Variants in ANO10 observed in about 807,000 individuals in gnomAD.
The protein encoded by ANO10 is anoctamin-10.
In ANO10, 77 loss-of-function variants were observed where a neutral mutation model predicts 74.7. The observed-to-expected ratio is 1.03, with a 90% CI of 0.86 to 1.25. The LOEUF (loss-of-function observed/expected upper bound fraction) is 1.25. ANO10 is among the 50% of genes most tolerant of loss of function. ANO10 has a pLI of 0.00. For missense variants in ANO10, 721 were observed against 778.1 expected, an observed-to-expected ratio of 0.93 and a Z score of 0.87; for synonymous variants, 279 against 284.9, an observed-to-expected ratio of 0.98 and a Z score of 0.21.
intron 1 of ANO10, among the ~76,000 whole-genome samples, chr3:43,659,579 G>A (rs1486702899): frequency 6.6e-6 from 1 of 152,214 alleles, no homozygotes; most frequent in Non-Finnish European, 1.5e-5. Context: ...AGGGAAGCTG[G>A]AACTGGGCGG....
intron 12 of ANO10, among the ~76,000 whole-genome samples, chr3:43,397,104 T>C (rs1326178950): frequency 3.3e-5 from 5 of 151,970 alleles, no homozygotes; most frequent in Non-Finnish European, 5.9e-5. Flanking sequence ...TGATTTTGTA[T>C]TTTTAGTAGA....
intron 1 of ANO10, among the ~76,000 whole-genome samples, chr3:43,629,192 T>C (rs1389896085): frequency 6.6e-6 from 1 of 152,076 alleles, no homozygotes; most frequent in South Asian, 2.1e-4. Flanking sequence ...TTAGGGAAAA[T>C]AGAAAAGAAC....
At chr3:43,460,468 A>T (rs1238929959) in intron 11 of ANO10, among the ~76,000 whole-genome samples, 1 of 152,238 alleles carries the variant, frequency 6.6e-6, no homozygotes, top group East Asian at 1.9e-4. Flanking sequence ...GGACTAAGGG[A>T]GCTCAAAACA....
At chr3:43,670,854 C>T (rs914253511) in intron 1 of ANO10, among the ~76,000 whole-genome samples, 1 of 152,180 alleles carries the variant, frequency 6.6e-6, no homozygotes, top group Non-Finnish European at 1.5e-5. Context: ...AACCCATTAT[C>T]ACTGCTAGAA....
chr3:43,501,402 C>T (rs2077095656), intron 11 of ANO10, among the ~76,000 whole-genome samples: 1 of 152,112 alleles, frequency 6.6e-6, no homozygotes, highest in South Asian at 2.1e-4. Flanking sequence ...GATCATATTT[C>T]AACATGAGGT....
chr3:43,449,515 CT>C lies in ANO10; in HGVS notation c.1798-16789del, dbSNP rs61265406. 4.3e-3 allele frequency among the ~76,000 whole-genome samples: 465 copies of C among 107,124 alleles called. 1 individual carries two copies. The highest frequency in any genetic ancestry group is 0.016 in the African/African-American group (437 of 27,498). 70.3% of individuals were successfully genotyped at this position (107,124 alleles called of 152,430 possible). ...AAGGTATAAGGTCCCTATCTAGATT[CT>C]TTTTTTTTTTTTTTTTTTTGTATGT... is the stretch of plus-strand genomic sequence containing the variant. On this transcript the variant is annotated intron_variant, in intron 11 of 12. Transcript: ENST00000292246.
intron 1 of ANO10, among the ~76,000 whole-genome samples, chr3:43,664,430 A>C (rs2083963908): frequency 6.6e-6 from 1 of 152,220 alleles, no homozygotes; most frequent in Admixed American, 6.5e-5. Flanking sequence ...TAAAAATCCT[A>C]GAAGAAAACC....
At chr3:43,544,732 G>T (rs1220098730) in intron 11 of ANO10, among the ~76,000 whole-genome samples, 1 of 149,784 alleles carries the variant, frequency 6.7e-6, no homozygotes, top group Non-Finnish European at 1.5e-5. Flanking sequence ...GGCAGAGGAT[G>T]CAGTGAGCCA....
chr3:43,505,609 T>G (rs2077266037), intron 11 of ANO10, among the ~76,000 whole-genome samples: 1 of 152,254 alleles, frequency 6.6e-6, no homozygotes, highest in Non-Finnish European at 1.5e-5. Flanking sequence ...CTCTTTCCAG[T>G]AAGTCATCTT....
At chr3:43,369,979 T>G (rs2125670392) in intron 12 of ANO10, among the ~76,000 whole-genome samples, 1 of 152,302 alleles carries the variant, frequency 6.6e-6, no homozygotes, top group Middle Eastern at 3.4e-3. Context: ...TGGCTGGCCC[T>G]AAGATGGCTT....
chr3:43,612,140 TTA>T (rs55675402), intron 1 of ANO10, among the ~76,000 whole-genome samples: 7,710 of 63,664 alleles, frequency 0.12, 282 homozygotes, highest in Middle Eastern at 0.2. Context: ...ATTAAATATT[TTA>T]TATATATATA....
intron 12 of ANO10, among the ~76,000 whole-genome samples, chr3:43,368,999 G>A (rs916640684): frequency 5.3e-5 from 8 of 152,234 alleles, no homozygotes; most frequent in Admixed American, 1.3e-4. Context: ...TGGAAGCCCC[G>A]TGAGGTCAGG....
intron 1 of ANO10, among the ~76,000 whole-genome samples, chr3:43,680,595 C>A (rs537220274): frequency 6.6e-6 from 1 of 152,150 alleles, no homozygotes; most frequent in South Asian, 2.1e-4. Flanking sequence ...CACAAAGATA[C>A]TCCTCGAGAA....
At chr3:43,661,375 AGG>A (rs2149573104) in intron 1 of ANO10, among the ~76,000 whole-genome samples, 1 of 152,054 alleles carries the variant, frequency 6.6e-6, no homozygotes, top group African/African-American at 2.4e-5. Context: ...TGTCATCACC[AGG>A]CCTGCCTTAC....
intron 9 of ANO10, among the ~76,000 whole-genome samples, chr3:43,557,818 A>G (rs1019164201): frequency 6.6e-6 from 1 of 151,452 alleles, no homozygotes; most frequent in Admixed American, 6.6e-5. Context: ...TTATTAATTA[A>G]AACTGAGAAA....
chr3:43,444,694 T>C (rs1260268955), intron 11 of ANO10, among the ~76,000 whole-genome samples: 1 of 152,096 alleles, frequency 6.6e-6, no homozygotes, highest in African/African-American at 2.4e-5. Flanking sequence ...TCTACAACAG[T>C]GCAAGGAGAA....
At chr3:43,669,128 T>C (rs2084025632) in intron 1 of ANO10, among the ~76,000 whole-genome samples, 1 of 152,120 alleles carries the variant, frequency 6.6e-6, no homozygotes, top group Non-Finnish European at 1.5e-5. Flanking sequence ...TAGGTGGGAC[T>C]GGAAGGCTGA....
chr3:43,684,918 C>A (rs960535721), intron 1 of ANO10, among the ~76,000 whole-genome samples: 1 of 152,106 alleles, frequency 6.6e-6, no homozygotes, highest in African/African-American at 2.4e-5. Flanking sequence ...ACATCACACA[C>A]CGGGGCCTGT....
intron 4 of ANO10, among the ~76,000 whole-genome samples, chr3:43,585,636 C>A (rs1457878261): frequency 3.3e-5 from 5 of 152,142 alleles, no homozygotes; most frequent in Admixed American, 3.3e-4. Context: ...CAGAAACTCA[C>A]AGGTGGAAGC....
Sources: gnomAD v4.1 joint callset for allele counts (sites outside exome capture counted in the v4.1 genomes callset) on GRCh38, gnomAD v4.1.1 for gene constraint, MANE v1.5 for transcripts, NCBI Gene and HGNC (gene_info 2026-07-23, HGNC 2026-07-21) for gene names.